The following RHPN2 variants were observed in gnomAD, a reference collection of about 807,000 sequenced individuals.
RHPN2 encodes the protein rhophilin-2.
In RHPN2, 40 loss-of-function variants were observed where a neutral mutation model predicts 79.0. The ratio of observed to expected loss-of-function variants is 0.51; its 90% CI spans 0.39 to 0.66. The LOEUF (loss-of-function observed/expected upper bound fraction) is 0.66. Ranked by LOEUF, RHPN2 falls within the 30% of genes least tolerant of loss-of-function variation. RHPN2 has a pLI of 0.00. For synonymous variants in RHPN2, 285 were observed against 363.5 expected (o/e 0.78, Z 2.46); for missense variants, 686 against 883.5 (o/e 0.78, Z 2.83).
chr19:33,051,114 C>T (rs1007338527), intron 1 of RHPN2, among the ~76,000 whole-genome samples: 8 of 152,184 alleles, frequency 5.3e-5, no homozygotes, highest in Non-Finnish European at 8.8e-5. Context: ...GTCTCAGCCT[C>T]CTGAGTAGCT....
Position 32,985,813 on chromosome 19 carries a change from G to C in RHPN2, c.1800+4701C>G, listed in dbSNP as rs1236960055. Among the ~76,000 whole-genome samples the C allele has an allele frequency of 2.0e-5, 3 of 152,254 alleles. No individual in the cohort carries two copies. The East Asian group carries it at 5.8e-4, about 29-fold the overall frequency. On this transcript the variant is annotated intron_variant, in intron 14 of 14. Coordinates refer to ENST00000254260, the MANE Select transcript of RHPN2 (RefSeq NM_033103.5). ...CATCCTGCTAATTTTTGTATTTTTAGTAGAGACAGGGTTTTGCCACGGTGG... is the reference window on the plus strand; with the variant it reads ...CATCCTGCTAATTTTTGTATTTTTACTAGAGACAGGGTTTTGCCACGGTGG...
intron 1 of RHPN2, among the ~76,000 whole-genome samples, chr19:33,048,979 C>G (rs1033143760): frequency 9.9e-5 from 15 of 151,376 alleles, no homozygotes; most frequent in Admixed American, 8.6e-4. Context: ...TTTTTCTGTT[C>G]GTATACTTTC....
At chr19:33,046,563 G>T (rs986029056) in intron 1 of RHPN2, among the ~76,000 whole-genome samples, 1 of 152,060 alleles carries the variant, frequency 6.6e-6, no homozygotes, top group Non-Finnish European at 1.5e-5. Flanking sequence ...CACTGAGCCC[G>T]GTCTAGATCA....
chr19:33,010,721 A>T (rs1248817381), intron 6 of RHPN2, among the ~76,000 whole-genome samples: 1 of 149,910 alleles, frequency 6.7e-6, no homozygotes, highest in Non-Finnish European at 1.5e-5. Flanking sequence ...CACTCCTATC[A>T]TCCAGGCTGG....
At chr19:33,034,374 G>A (rs1972037739) in intron 2 of RHPN2, among the ~76,000 whole-genome samples, 1 of 151,760 alleles carries the variant, frequency 6.6e-6, no homozygotes. Flanking sequence ...GGGAGGCCGA[G>A]GTGGGCAGAT....
intron 1 of RHPN2, among the ~76,000 whole-genome samples, chr19:33,053,310 G>T (rs556831821): frequency 6.6e-6 from 1 of 151,580 alleles, no homozygotes; most frequent in South Asian, 2.1e-4. Flanking sequence ...GGCTTTTACT[G>T]TGCCTCCCAC....
chr19:33,045,657 A>G (rs1972136635), intron 1 of RHPN2, among the ~76,000 whole-genome samples: 1 of 152,112 alleles, frequency 6.6e-6, no homozygotes, highest in Admixed American at 6.6e-5. Flanking sequence ...TATTTTTAGT[A>G]GAGACAGGGT....
In RHPN2 at chr19:32,979,016, A is replaced by C. The variant is rs548333532; in HGVS notation, c.*980T>G. The stretch of plus-strand genomic sequence containing the variant: ...TACAAAAATCAGCCAGGCATGCTGG[A>C]GGGCACCTTGTAGTCCCAGCTATTT... On this transcript the variant is annotated 3_prime_UTR_variant, in exon 15 of 15. Transcript: ENST00000254260. 6.6e-6 allele frequency: 1 copy of C among 152,124 alleles called. No homozygotes were observed. Among genetic ancestry groups the C allele is most frequent in the East Asian group, 1.9e-4 (1 of 5,182 alleles). The allele number at this position is 152,124 out of a possible 1,614,324, so 9.4% of individuals were successfully genotyped here.
At chr19:33,057,647 G>A (rs952931046) in intron 1 of RHPN2, among the ~76,000 whole-genome samples, 3 of 148,040 alleles carry the variant, frequency 2.0e-5, no homozygotes, top group Non-Finnish European at 4.4e-5. Flanking sequence ...CTGCACTCCT[G>A]CCTGGGTGAC....
intron 1 of RHPN2, 124 bp from the exon 2 acceptor site, chr19:33,044,488 G>A: frequency 1.4e-6 from 1 of 731,056 alleles, no homozygotes; most frequent in Non-Finnish European, 2.4e-6. Context: ...CATCTACATA[G>A]AAAATATTGA....
intron 2 of RHPN2, among the ~76,000 whole-genome samples, chr19:33,030,280 TG>T (rs1972000357): frequency 6.6e-6 from 1 of 152,100 alleles, no homozygotes; most frequent in Admixed American, 6.6e-5. Context: ...TGTGTGTGTA[TG>T]GCTATGGCAC....
chr19:33,002,188 C>G (rs1386498462), intron 9 of RHPN2, 59 bp downstream of exon 9: 2 of 1,578,786 alleles, frequency 1.3e-6, no homozygotes, highest in South Asian at 2.3e-5. Flanking sequence ...AGCTCAGAAT[C>G]GCCCCTGGGG....
intron 12 of RHPN2, among the ~76,000 whole-genome samples, chr19:32,992,813 T>TAA (rs56178801): frequency 0.16 from 19,468 of 119,406 alleles, 1,603 homozygotes; most frequent in Non-Finnish European, 0.22. Flanking sequence ...GACCCTGTCT[T>TAA]AAAAAAAAAA....
At chr19:33,061,223 T>TTC in intron 1 of RHPN2, among the ~76,000 whole-genome samples, 1 of 139,556 alleles carries the variant, frequency 7.2e-6, no homozygotes, top group Non-Finnish European at 1.5e-5. Context: ...GCACCTGCCT[T>TTC]TCTTTTTTTT....
At chr19:33,028,156 CT>C (rs36036417) in intron 2 of RHPN2, among the ~76,000 whole-genome samples, 2,048 of 142,018 alleles carry the variant, frequency 0.014, 19 homozygotes, top group Non-Finnish European at 0.021. Flanking sequence ...AAAATCAATT[CT>C]TTTTTTTTTT....
intron 3 of RHPN2, among the ~76,000 whole-genome samples, chr19:33,022,287 A>G (rs551012719): frequency 1.3e-5 from 2 of 152,148 alleles, no homozygotes; most frequent in South Asian, 2.1e-4. Context: ...CTGAGAGTCT[A>G]TTGTGTGCCA....
chr19:33,002,415 G>T lies in RHPN2; in HGVS notation c.949-12C>A. The stretch of plus-strand genomic sequence containing the variant: ...TAGACCTCTCCCACCTGAAATAGAA[G>T]GGACACTGGGAAGGGGCAGCCCGGC... On this transcript the variant is annotated splice_polypyrimidine_tract_variant and intron_variant, in intron 8 of 14. Transcript: ENST00000254260. The T allele has an allele frequency of 6.2e-7, 1 of 1,613,826 alleles. No individual in the cohort carries two copies. Among genetic ancestry groups the T allele is most frequent in the Non-Finnish European group, 8.5e-7 (1 of 1,179,840 alleles).
At chr19:33,015,957 G>C (rs1971874177) in intron 4 of RHPN2, among the ~76,000 whole-genome samples, 1 of 152,084 alleles carries the variant, frequency 6.6e-6, no homozygotes, top group African/African-American at 2.4e-5. Context: ...GGCTGAGGTA[G>C]GAGAATCACT....
chr19:33,015,202 A>C (rs1971867475), intron 4 of RHPN2, among the ~76,000 whole-genome samples: 1 of 152,128 alleles, frequency 6.6e-6, no homozygotes, highest in Admixed American at 6.6e-5. Flanking sequence ...AGGCAGGTGG[A>C]TCACTTGAGG....
Sources: allele counts gnomAD v4.1 joint callset (sites outside exome capture counted in the v4.1 genomes callset), GRCh38; gene constraint gnomAD v4.1.1; transcripts MANE v1.5; gene names NCBI Gene and HGNC (gene_info 2026-07-23, HGNC 2026-07-21).